The following EYS variants were observed in gnomAD, a reference collection of about 807,000 sequenced individuals.
EYS encodes the protein EGF-like photoreceptor maintenance factor.
EYS carries 250 observed loss-of-function variants against 282.1 expected under a neutral mutation model. That is an observed-to-expected ratio of 0.89 (90% CI 0.80 to 0.98). The LOEUF is 0.98. Ranked by LOEUF, EYS falls within the 50% of genes least tolerant of loss-of-function variation. The pLI, the probability that EYS is intolerant of heterozygous loss-of-function variation, is 0.00. For missense variants in EYS, 4,016 were observed against 3,709.0 expected, an observed-to-expected ratio of 1.08 and a Z score of -2.15; for synonymous variants, 1,355 against 1,282.9, an observed-to-expected ratio of 1.06 and a Z score of -1.20.
intron 29 of EYS, among the ~76,000 whole-genome samples, chr6:64,347,160 A>G (rs1362979353): frequency 6.6e-6 from 1 of 151,470 alleles, no homozygotes; most frequent in Non-Finnish European, 1.5e-5. Flanking sequence ...AAAACAGAGG[A>G]AGAACCTATA....
intron 5 of EYS, among the ~76,000 whole-genome samples, chr6:65,416,292 A>T (rs997608181): frequency 3.9e-5 from 6 of 151,946 alleles, no homozygotes; most frequent in Admixed American, 6.6e-5. Flanking sequence ...TACATTTTTC[A>T]TAGTAATAGT....
At chr6:65,498,439 C>G (rs937039656) in intron 2 of EYS, among the ~76,000 whole-genome samples, 2 of 151,874 alleles carry the variant, frequency 1.3e-5, no homozygotes, top group Non-Finnish European at 2.9e-5. Flanking sequence ...CATGTAAATG[C>G]GAGGAAACAA....
At chr6:64,915,489 T>G (rs1286332563) in intron 15 of EYS, among the ~76,000 whole-genome samples, 2 of 152,154 alleles carry the variant, frequency 1.3e-5, no homozygotes, top group East Asian at 3.8e-4. Flanking sequence ...TTAATGAAAT[T>G]GGTAATCTCA....
At chr6:65,251,854 C>A (rs903463963) in intron 12 of EYS, among the ~76,000 whole-genome samples, 2 of 151,928 alleles carry the variant, frequency 1.3e-5, no homozygotes, top group African/African-American at 2.4e-5. Context: ...CTTCCCCATC[C>A]CAGCCTCCCT....
intron 26 of EYS, among the ~76,000 whole-genome samples, chr6:64,496,981 T>C (rs1036845686): frequency 2.0e-5 from 3 of 152,056 alleles, no homozygotes; most frequent in Admixed American, 6.6e-5. Flanking sequence ...AGTGAATTAT[T>C]TTATTATCCT....
chr6:64,421,352 C>T (rs1329838357), intron 28 of EYS, among the ~76,000 whole-genome samples: 2 of 152,132 alleles, frequency 1.3e-5, no homozygotes, highest in Non-Finnish European at 2.9e-5. Context: ...CTGGCTCCCT[C>T]CCATGAACGT....
At chr6:64,527,341 A>C (rs1231269306) in intron 26 of EYS, among the ~76,000 whole-genome samples, 4 of 151,852 alleles carry the variant, frequency 2.6e-5, no homozygotes, top group African/African-American at 7.2e-5. Flanking sequence ...TGCCAGGCCT[A>C]AGGGCCTTCT....
At chr6:64,708,633 T>C (rs1307205290) in intron 22 of EYS, among the ~76,000 whole-genome samples, 1 of 152,056 alleles carries the variant, frequency 6.6e-6, no homozygotes, top group Non-Finnish European at 1.5e-5. Context: ...AAAAAAAAAG[T>C]CTCCCTCAAG....
chr6:65,301,672 C>T (rs187998922), intron 11 of EYS, among the ~76,000 whole-genome samples: 418 of 152,364 alleles, frequency 2.7e-3, no homozygotes, highest in African/African-American at 9.5e-3. Context: ...CCATTCCCCA[C>T]CCTCATTACA....
chr6:65,347,271 C>T (rs767949276), intron 9 of EYS, among the ~76,000 whole-genome samples: 1 of 151,654 alleles, frequency 6.6e-6, no homozygotes, highest in Non-Finnish European at 1.5e-5. Flanking sequence ...GCATTTTCCC[C>T]ACATATTTAG....
At chr6:64,953,714 T>C (rs1769592194) in intron 14 of EYS, among the ~76,000 whole-genome samples, 1 of 151,782 alleles carries the variant, frequency 6.6e-6, no homozygotes, top group Admixed American at 6.6e-5. Context: ...AGAAACAATT[T>C]CTATAAAAAG....
chr6:63,757,771 A>T (rs1769527339), intron 41 of EYS, among the ~76,000 whole-genome samples: 1 of 152,184 alleles, frequency 6.6e-6, no homozygotes, highest in African/African-American at 2.4e-5. Flanking sequence ...TCCCCTGATA[A>T]GGGAGGATTC....
At chr6:64,323,970 C>T (rs1770313076) in intron 29 of EYS, among the ~76,000 whole-genome samples, 1 of 152,122 alleles carries the variant, frequency 6.6e-6, no homozygotes, top group East Asian at 1.9e-4. Flanking sequence ...TAAGTTTACT[C>T]CCATTTTCTG....
chr6:64,872,586 G>A (rs1766627858), intron 19 of EYS, among the ~76,000 whole-genome samples: 1 of 151,902 alleles, frequency 6.6e-6, no homozygotes, highest in Non-Finnish European at 1.5e-5. Context: ...TCCAGGGAGT[G>A]GTAGTTGACT....
At chr6:64,963,029 G>A (rs1008210909) in intron 14 of EYS, among the ~76,000 whole-genome samples, 4 of 152,044 alleles carry the variant, frequency 2.6e-5, no homozygotes, top group Non-Finnish European at 5.9e-5. Context: ...GAACTTTTAT[G>A]GTAAAAGATA....
rs369596766 is a variant in EYS at position 65,511,230 on chromosome 6, G to A, written c.-332-15237C>T. 1.1e-4 allele frequency among the ~76,000 whole-genome samples: 17 copies of A among 152,194 alleles called. No homozygotes were observed. In the East Asian group the frequency reaches 2.5e-3, roughly 22 times the overall value. On this transcript the variant is annotated intron_variant, in intron 2 of 42. Transcript: ENST00000503581. ...GCTGCTTTTCCCACTAATGGTATAT[G>A]CTTTTCATCTACTAGGGAGAAATTA...
At chr6:63,840,655 A>T (rs1211792023) in intron 36 of EYS, among the ~76,000 whole-genome samples, 2 of 152,062 alleles carry the variant, frequency 1.3e-5, no homozygotes, top group African/African-American at 4.8e-5. Flanking sequence ...TTCTTCTAGT[A>T]GTTTTAGAGT....
intron 22 of EYS, among the ~76,000 whole-genome samples, chr6:64,710,025 T>C (rs1483897138): frequency 6.6e-6 from 1 of 152,146 alleles, no homozygotes; most frequent in Non-Finnish European, 1.5e-5. Context: ...AAACTTTACT[T>C]TGCAGGAAAT....
chr6:64,923,255 A>T, intron 15 of EYS, among the ~76,000 whole-genome samples: 1 of 152,116 alleles, frequency 6.6e-6, no homozygotes, highest in Non-Finnish European at 1.5e-5. Flanking sequence ...GCAAGAGAAA[A>T]ATAAGGAAGA....
Sources: allele counts gnomAD v4.1 joint callset (sites outside exome capture counted in the v4.1 genomes callset), GRCh38; gene constraint gnomAD v4.1.1; transcripts MANE v1.5; gene names NCBI Gene and HGNC (gene_info 2026-07-23, HGNC 2026-07-21).